The following KCNJ6 variants were observed in gnomAD, a reference collection of about 807,000 sequenced individuals.
KCNJ6 encodes G protein-activated inward rectifier potassium channel 2.
In KCNJ6, 9 loss-of-function variants were observed where a neutral mutation model predicts 34.2. The ratio of observed to expected loss-of-function variants is 0.26; its 90% confidence interval spans 0.16 to 0.46. The LOEUF (loss-of-function observed/expected upper bound fraction) is 0.46, where lower values mean the gene tolerates loss of function less well. Among genes scored for constraint, KCNJ6 ranks in the 20% least tolerant of loss-of-function variants. KCNJ6 has a pLI of 1.00. For missense variants in KCNJ6, 236 were observed against 531.3 expected (o/e 0.44, Z 5.46); for synonymous variants, 196 against 207.1 (o/e 0.95, Z 0.46).
intron 1 of KCNJ6, among the ~76,000 whole-genome samples, chr21:37,853,392 G>GA (rs58598023): frequency 0.19 from 27,865 of 149,752 alleles, 3,968 homozygotes; most frequent in East Asian, 0.46. Flanking sequence ...CAACCACTGG[G>GA]AAAAAAAACA....
At chr21:37,789,459 G>T (rs886073441) in intron 2 of KCNJ6, among the ~76,000 whole-genome samples, 1 of 152,316 alleles carries the variant, frequency 6.6e-6, no homozygotes, top group Non-Finnish European at 1.5e-5. Context: ...GCCCTCATCA[G>T]AACCTGACTA....
chr21:37,802,133 C>T (rs897681367), intron 2 of KCNJ6, among the ~76,000 whole-genome samples: 9 of 152,218 alleles, frequency 5.9e-5, no homozygotes, highest in African/African-American at 2.2e-4. Flanking sequence ...TATAGCATGG[C>T]GGGGGTGAAG....
intron 2 of KCNJ6, among the ~76,000 whole-genome samples, chr21:37,781,372 G>A (rs971689925): frequency 6.6e-6 from 1 of 152,138 alleles, no homozygotes; most frequent in Admixed American, 6.5e-5. Context: ...TCAGAGCCTG[G>A]CAGTGTTAGA....
chr21:37,778,801 C>A (rs1315082168), intron 2 of KCNJ6, among the ~76,000 whole-genome samples: 5 of 151,758 alleles, frequency 3.3e-5, no homozygotes, highest in Non-Finnish European at 2.9e-5. Context: ...TGTGTACCCC[C>A]CACTTATTCT....
intron 1 of KCNJ6, among the ~76,000 whole-genome samples, chr21:37,845,176 T>C (rs146073022): frequency 4.3e-4 from 65 of 152,310 alleles, no homozygotes; most frequent in African/African-American, 1.5e-3. Context: ...AAAAGACAGA[T>C]ATATTTGTTT....
At chr21:37,723,739 T>C (rs1473492971) in intron 2 of KCNJ6, among the ~76,000 whole-genome samples, 2 of 152,170 alleles carry the variant, frequency 1.3e-5, no homozygotes, top group South Asian at 2.1e-4. Flanking sequence ...AAAGATAGCA[T>C]TGGGAAACAC....
intron 3 of KCNJ6, among the ~76,000 whole-genome samples, chr21:37,698,800 G>A (rs776035057): frequency 6.6e-6 from 1 of 151,720 alleles, no homozygotes; most frequent in African/African-American, 2.4e-5. Flanking sequence ...GGGTTCAAAT[G>A]ATTCTCATGC....
intron 3 of KCNJ6, among the ~76,000 whole-genome samples, chr21:37,686,067 G>C (rs574693576): frequency 6.6e-6 from 1 of 152,216 alleles, no homozygotes; most frequent in East Asian, 1.9e-4. Context: ...CTGCAGAACA[G>C]AGGATGGAAA....
intron 3 of KCNJ6, among the ~76,000 whole-genome samples, chr21:37,702,844 A>G (rs547846457): frequency 1.3e-3 from 203 of 152,174 alleles, no homozygotes; most frequent in Non-Finnish European, 2.4e-3. Context: ...GCCAAGGAAG[A>G]AAGTGCTGGA....
Position 37,800,596 on chromosome 21 carries a change from T to A in KCNJ6, c.25+40062A>T, listed in dbSNP as rs551150331. Among the ~76,000 whole-genome samples the A allele has an allele frequency of 1.4e-4, 22 of 152,316 alleles. No individual in the cohort carries two copies. In the South Asian group the frequency reaches 3.9e-3, roughly 27 times the overall value. On this transcript the variant is annotated intron_variant, in intron 2 of 3. Coordinates refer to ENST00000609713, the MANE Select transcript of KCNJ6 (RefSeq NM_002240.5). ...GCCTCTCTTTTATACAGAGAGCTTA[T>A]CAGCAAGACCATAAAGAAAGTCGGT...
chr21:37,627,811 C>G (rs1417897784), intron 3 of KCNJ6, among the ~76,000 whole-genome samples: 1 of 151,784 alleles, frequency 6.6e-6, no homozygotes, highest in Non-Finnish European at 1.5e-5. Context: ...AAGGTTAATG[C>G]AGTTGTAAAG....
intron 1 of KCNJ6, among the ~76,000 whole-genome samples, chr21:37,892,587 C>T (rs2055767401): frequency 6.6e-6 from 1 of 152,090 alleles, no homozygotes; most frequent in African/African-American, 2.4e-5. Context: ...CCTGCTGGGT[C>T]ATTTGCACTT....
intron 1 of KCNJ6, among the ~76,000 whole-genome samples, chr21:37,860,457 A>G (rs939620208): frequency 3.9e-5 from 6 of 152,128 alleles, no homozygotes; most frequent in Non-Finnish European, 2.9e-5. Flanking sequence ...TCTGTTCCCT[A>G]TATGGCAGCC....
rs542796869 is a variant in KCNJ6, at chr21:37,678,862, AAC to A, written c.946+35347_946+35348del. Among the ~76,000 whole-genome samples, 10 of 152,330 alleles carry A rather than the reference AAC, an allele frequency of 6.6e-5. No homozygotes were observed. In the East Asian group the frequency reaches 1.9e-3, roughly 29 times the overall value. ...CAGCTCTACTGCTTACATGGTTTAA[AAC>A]ACAGGCACAAAATATTTGATGCTCC... On this transcript the variant is annotated intron_variant, in intron 3 of 3. Coordinates refer to ENST00000609713, the MANE Select transcript of KCNJ6 (RefSeq NM_002240.5).
At chr21:37,854,716 A>G (rs910422646) in intron 1 of KCNJ6, among the ~76,000 whole-genome samples, 7 of 148,918 alleles carry the variant, frequency 4.7e-5, no homozygotes, top group African/African-American at 1.7e-4. Context: ...TGATCATTCC[A>G]CATTGTATGT....
intron 3 of KCNJ6, among the ~76,000 whole-genome samples, chr21:37,684,227 T>TC (rs2054603161): frequency 6.6e-6 from 1 of 152,124 alleles, no homozygotes; most frequent in Admixed American, 6.5e-5. Flanking sequence ...GGTCCAGGCC[T>TC]CTCCCCCGGG....
rs1556008721 is a variant in KCNJ6 at position 37,616,590 on chromosome 21, C to CATATATATATATATATACATATATAT, written c.*8568_*8569insATATATATGTATATATATATATATAT. On this transcript the variant is annotated 3_prime_UTR_variant, in exon 4 of 4. Coordinates refer to ENST00000609713, the MANE Select transcript of KCNJ6 (RefSeq NM_002240.5). Reference sequence around the variant, plus strand: ...AATTATGAAGCAGGAACAAAATGTACATATATATATATATATATATATATA... The same window carrying CATATATATATATATATACATATATAT: ...AATTATGAAGCAGGAACAAAATGTACATATATATATATATATACATATATATATATATATATATATATATATATATA... The CATATATATATATATATACATATATAT allele has an allele frequency of 2.2e-5, 2 of 90,912 alleles. No individual in the cohort carries two copies. The highest frequency in any genetic ancestry group is 4.6e-5 in the African/African-American group (1 of 21,754). The allele number at this position is 90,912 out of a possible 1,614,324, so 5.6% of individuals were successfully genotyped here.
At chr21:37,802,110 A>G (rs1054455617) in intron 2 of KCNJ6, among the ~76,000 whole-genome samples, 4 of 152,216 alleles carry the variant, frequency 2.6e-5, no homozygotes, top group South Asian at 4.1e-4. Context: ...ATTACTACCT[A>G]TGATGAGAAG....
At chr21:37,772,861 T>C (rs1047885529) in intron 2 of KCNJ6, among the ~76,000 whole-genome samples, 3 of 152,220 alleles carry the variant, frequency 2.0e-5, no homozygotes, top group Admixed American at 2.0e-4. Flanking sequence ...CTTTATGCTG[T>C]ATTAAATGTA....
Sources: gnomAD v4.1 joint callset for allele counts (sites outside exome capture counted in the v4.1 genomes callset) on GRCh38, gnomAD v4.1.1 for gene constraint, MANE v1.5 for transcripts, NCBI Gene and HGNC (gene_info 2026-07-23, HGNC 2026-07-21) for gene names.